Variants in PPP4R3A observed in about 807,000 individuals in gnomAD.
PPP4R3A encodes serine/threonine-protein phosphatase 4 regulatory subunit 3A.
A neutral mutation model predicts 91.7 loss-of-function variants in PPP4R3A; 15 were observed. That is an observed-to-expected ratio of 0.16 (90% CI 0.11 to 0.25). The LOEUF (loss-of-function observed/expected upper bound fraction) is 0.25. Among genes scored for constraint, PPP4R3A ranks in the 10% least tolerant of loss-of-function variants. The pLI is 1.00. For synonymous variants in PPP4R3A, 377 were observed against 348.7 expected (o/e 1.08, Z -0.91); for missense variants, 623 against 998.4 (o/e 0.62, Z 5.07).
At chr14:91,489,469 G>A (rs1890102938) in intron 2 of PPP4R3A, among the ~76,000 whole-genome samples, 1 of 152,090 alleles carries the variant, frequency 6.6e-6, no homozygotes, top group South Asian at 2.1e-4. Flanking sequence ...GACAAATCTA[G>A]CAAGTTTATA....
intron 1 of PPP4R3A, among the ~76,000 whole-genome samples, chr14:91,500,735 T>TG (rs1876885624): frequency 6.6e-6 from 1 of 152,170 alleles, no homozygotes; most frequent in South Asian, 2.1e-4. Flanking sequence ...TTAAAACTTA[T>TG]GGTAGGCCAG....
chr14:91,502,087 G>A (rs1001746597), intron 1 of PPP4R3A, among the ~76,000 whole-genome samples: 2 of 151,692 alleles, frequency 1.3e-5, no homozygotes, highest in Non-Finnish European at 2.9e-5. Flanking sequence ...CTGACTTTTC[G>A]GAAAAAAATT....
chr14:91,484,452 CATTT>C lies in PPP4R3A; in HGVS notation c.297+1176_297+1179del, dbSNP rs1241476079. 5.3e-5 allele frequency among the ~76,000 whole-genome samples: 8 copies of C among 152,278 alleles called. No individual in the cohort carries two copies. In the East Asian group the frequency reaches 1.5e-3, roughly 29 times the overall value. The stretch of plus-strand genomic sequence containing the variant: ...TTTACTAGAAGACAGCCCCTCCATT[CATTT>C]ATGTGCTGTCTATGACTACTTCCGA... On this transcript the variant is annotated intron_variant, in intron 3 of 14. Transcript: ENST00000554943.
rs573275172 is a variant in PPP4R3A at position 91,468,483 on chromosome 14, A to G, written c.1660+2354T>C. Among the ~76,000 whole-genome samples the G allele has an allele frequency of 6.6e-5, 10 of 152,128 alleles. No homozygotes were observed. In the South Asian group the frequency reaches 2.1e-3, roughly 32 times the overall value. On this transcript the variant is annotated intron_variant, in intron 10 of 14. Coordinates refer to ENST00000554943, the MANE Select transcript of PPP4R3A (RefSeq NM_001366432.2). ...TCAAGAATTTGAGACCAGCCTGACC[A>G]ACATGGTGAAACCCCATCTCTACTA...
intron 10 of PPP4R3A, among the ~76,000 whole-genome samples, chr14:91,470,054 A>G (rs540077634): frequency 2.0e-5 from 3 of 152,160 alleles, no homozygotes; most frequent in Admixed American, 1.3e-4. Context: ...TTCAAACAAC[A>G]ACAACAACAA....
chr14:91,466,964 C>CACACACACACACACA (rs1555434439), intron 10 of PPP4R3A, among the ~76,000 whole-genome samples: 1 of 150,420 alleles, frequency 6.6e-6, no homozygotes, highest in Non-Finnish European at 1.5e-5. Context: ...CACACACACA[C>CACACACACACACACA]CCCTCTTGTC....
chr14:91,496,402 TAC>T (rs757662049), intron 1 of PPP4R3A, among the ~76,000 whole-genome samples: 1 of 152,216 alleles, frequency 6.6e-6, no homozygotes, highest in Non-Finnish European at 1.5e-5. Context: ...GCCTGATTTT[TAC>T]AGTCACTAAA....
intron 3 of PPP4R3A, among the ~76,000 whole-genome samples, chr14:91,483,959 G>A (rs570839509): frequency 6.6e-6 from 1 of 152,306 alleles, no homozygotes; most frequent in Admixed American, 6.5e-5. Flanking sequence ...AAGGAAGACT[G>A]TATCCAGAGT....
At chr14:91,458,936 G>T in intron 14 of PPP4R3A, 67 bp from the exon 15 acceptor site, 4 of 1,489,124 alleles carry the variant, frequency 2.7e-6, no homozygotes, top group South Asian at 2.7e-5. Context: ...GTGTTTTCTG[G>T]CTGGAGAAAG....
chr14:91,458,706 G>A lies in PPP4R3A; in HGVS notation c.*53C>T, dbSNP rs1205303479. ...TTGTTGTGGATTTTGTATGGGGGAG[G>A]GGTGGAGAACCAGTTTTTTTCAACA... On this transcript the variant is annotated 3_prime_UTR_variant, in exon 15 of 15. Coordinates refer to ENST00000554943, the MANE Select transcript of PPP4R3A (RefSeq NM_001366432.2). The A allele has an allele frequency of 5.6e-6, 9 of 1,613,158 alleles. No individual in the cohort carries two copies. The highest frequency in any genetic ancestry group is 1.3e-5 in the African/African-American group (1 of 74,872).
At position 91,509,567 on chromosome 14, in the gene PPP4R3A, C is replaced by T. The variant is rs1891647762; in HGVS notation, c.81G>A (p.Val27=). The T allele has an allele frequency of 1.2e-6, 2 of 1,602,626 alleles. No individual in the cohort carries two copies. The highest frequency in any genetic ancestry group is 1.7e-6 in the Non-Finnish European group (2 of 1,178,838). The stretch of plus-strand genomic sequence containing the variant: ...TCAGCCGCTCCACGTAGCCAGACGA[C>T]ACATGCCCGGTGCCCCGGTCGTCCC... The part of the protein sequence containing the change: ...RQWDDRGTGH[V]SSGYVERLKG... Residue 27 remains valine, a synonymous_variant, in exon 1 of 15, where the codon GTG becomes GTA. Transcript: ENST00000554943.
rs564283789 is a variant in PPP4R3A at position 91,503,963 on chromosome 14, G to C, written c.142+5543C>G. Among the ~76,000 whole-genome samples the C allele has an allele frequency of 4.0e-3, 605 of 152,132 alleles. 5 individuals are homozygous for C. The highest frequency in any genetic ancestry group is 0.014 in the African/African-American group (586 of 41,502). The stretch of plus-strand genomic sequence containing the variant: ...TTCCTTAAAGAAAAGCATGGGCCAG[G>C]TGCGGTGTAATCCCAGCACTTTAGG... On this transcript the variant is annotated intron_variant, in intron 1 of 14. Transcript: ENST00000554943.
intron 1 of PPP4R3A, among the ~76,000 whole-genome samples, chr14:91,503,767 C>A (rs2140165122): frequency 6.6e-6 from 1 of 152,150 alleles, no homozygotes; most frequent in East Asian, 1.9e-4. Context: ...AATGATTTCA[C>A]CACAAAGGGA....
At chr14:91,472,824 A>ACAACCAACCAACCAACCAACCAACCAAC (rs57949752) in intron 9 of PPP4R3A, among the ~76,000 whole-genome samples, 5 of 150,518 alleles carry the variant, frequency 3.3e-5, no homozygotes, top group South Asian at 2.1e-4. Flanking sequence ...TTTGATAAAA[A>ACAACCAACCAACCAACCAACCAACCAAC]CAACCAACCA....
At position 91,509,981 on chromosome 14, in the gene PPP4R3A, C is replaced by CCCGCCT. The variant is rs1403367256; in HGVS notation, c.-340_-335dup. 1 of 1,000,428 alleles carries CCCGCCT rather than the reference C, an allele frequency of 1.0e-6. No homozygotes were observed. Among genetic ancestry groups the CCCGCCT allele is most frequent in the Non-Finnish European group, 1.2e-6 (1 of 838,540 alleles). 62.0% of individuals were successfully genotyped at this position (1,000,428 alleles called of 1,614,324 possible). On this transcript the variant is annotated 5_prime_UTR_variant, in exon 1 of 15. Transcript: ENST00000554943. ...TCGGGGCTCCCGTCACTGCCCTGCT[C>CCCGCCT]CCGCCTCCGCCATGATCTCCGCGAA...
At chr14:91,471,033 C>A in intron 9 of PPP4R3A, 38 bp from the exon 10 acceptor site, 1 of 1,536,224 alleles carries the variant, frequency 6.5e-7, no homozygotes, top group Non-Finnish European at 8.7e-7. Context: ...TATTTAATGA[C>A]TAACATTTTT....
intron 4 of PPP4R3A, 55 bp downstream of exon 4, chr14:91,481,521 C>A: frequency 2.0e-6 from 3 of 1,481,246 alleles, no homozygotes; most frequent in South Asian, 1.5e-5. Flanking sequence ...TTAAAAGGAG[C>A]AAATTGTTTT....
intron 1 of PPP4R3A, among the ~76,000 whole-genome samples, chr14:91,495,231 A>G (rs749233826): frequency 2.6e-5 from 4 of 152,082 alleles, no homozygotes; most frequent in East Asian, 1.9e-4. Context: ...ACACATTACA[A>G]TATGTATAAA....
At chr14:91,465,157 ATAT>A in intron 11 of PPP4R3A, 90 bp downstream of exon 11, 1 of 975,150 alleles carries the variant, frequency 1.0e-6, no homozygotes, top group South Asian at 2.7e-5. Context: ...ATCTCTCCAA[ATAT>A]TATCATCTCA....
Sources: gnomAD v4.1 joint callset for allele counts (sites outside exome capture counted in the v4.1 genomes callset) on GRCh38, gnomAD v4.1.1 for gene constraint, MANE v1.5 for transcripts, NCBI Gene and HGNC (gene_info 2026-07-23, HGNC 2026-07-21) for gene names.